The following SNTG1 variants were observed in gnomAD, a reference collection of about 807,000 sequenced individuals.
SNTG1 encodes gamma-1-syntrophin.
Under a neutral mutation model 74.7 loss-of-function variants are expected in SNTG1, and 39 were observed. That is an observed-to-expected ratio of 0.52 (90% CI 0.40 to 0.68). The LOEUF (loss-of-function observed/expected upper bound fraction) is 0.68, where lower values mean the gene tolerates loss of function less well. Ranked by LOEUF, SNTG1 falls within the 30% of genes least tolerant of loss-of-function variation. The pLI is 0.00. For synonymous variants in SNTG1, 254 were observed against 217.1 expected (o/e 1.17, Z -1.49); for missense variants, 685 against 609.5 (o/e 1.12, Z -1.30).
intron 2 of SNTG1, among the ~76,000 whole-genome samples, chr8:50,301,806 T>A (rs1343539019): frequency 1.3e-5 from 2 of 152,128 alleles, no homozygotes; most frequent in Non-Finnish European, 2.9e-5. Flanking sequence ...AAACATGTAT[T>A]TATTGAAGTT....
rs963800826 is a variant in SNTG1 at position 49,912,226 on chromosome 8, C to T, written c.-108C>T. ...TGAAAAGACATCTAATTTCATTGCT[C>T]GGCAGGTAAGTGATAGCGCTATTAT... On this transcript the variant is annotated 5_prime_UTR_variant, in exon 1 of 19. Transcript: ENST00000642720. The T allele has an allele frequency of 1.3e-5, 2 of 152,160 alleles. No individual in the cohort carries two copies. The highest frequency in any genetic ancestry group is 2.9e-5 in the Non-Finnish European group (2 of 68,040). The allele number at this position is 152,160 out of a possible 1,614,324, so 9.4% of individuals were successfully genotyped here. A position where few individuals can be genotyped will look rare whatever the true frequency, so the allele number is the denominator to read the frequency against.
chr8:50,664,083 T>C (rs938678473), intron 15 of SNTG1, among the ~76,000 whole-genome samples: 4 of 152,142 alleles, frequency 2.6e-5, no homozygotes, highest in African/African-American at 9.7e-5. Context: ...CGTCTCAAAA[T>C]TTAGGATCAA....
intron 1 of SNTG1, among the ~76,000 whole-genome samples, chr8:50,091,074 C>T (rs2079716665): frequency 6.6e-6 from 1 of 152,010 alleles, no homozygotes; most frequent in Admixed American, 6.6e-5. Flanking sequence ...TAGGAATAAA[C>T]ATAGTGGCAT....
At chr8:50,222,869 C>A (rs762364623) in intron 2 of SNTG1, among the ~76,000 whole-genome samples, 7 of 152,106 alleles carry the variant, frequency 4.6e-5, no homozygotes, top group Non-Finnish European at 1.0e-4. Context: ...CCATCTGAGG[C>A]TTTAATTTAT....
At chr8:50,173,396 C>A (rs1362792583) in intron 2 of SNTG1, among the ~76,000 whole-genome samples, 1 of 152,086 alleles carries the variant, frequency 6.6e-6, no homozygotes, top group East Asian at 1.9e-4. Flanking sequence ...AGTCCAAGGA[C>A]TTGTAGTATG....
At chr8:50,403,644 C>G (rs539614222) in intron 4 of SNTG1, among the ~76,000 whole-genome samples, 1 of 152,286 alleles carries the variant, frequency 6.6e-6, no homozygotes, top group East Asian at 1.9e-4. Flanking sequence ...CTATTCTCTT[C>G]TTAAAAGATA....
chr8:50,150,788 T>C lies in SNTG1; in HGVS notation c.-102-21773T>C, dbSNP rs28817108. On this transcript the variant is annotated intron_variant, in intron 1 of 18. Coordinates refer to ENST00000642720, the MANE Select transcript of SNTG1 (RefSeq NM_018967.5). ...ACTTGATCATGGTGGATAACCTTTT[T>C]GATGTGCTGCTGGATTCGGTTTGTC... Among the ~76,000 whole-genome samples the C allele has an allele frequency of 7.9e-3, 1,206 of 152,318 alleles. 16 individuals are homozygous for C. The highest frequency in any genetic ancestry group is 0.028 in the African/African-American group (1,162 of 41,572).
At chr8:50,038,262 A>C (rs2130798390) in intron 1 of SNTG1, among the ~76,000 whole-genome samples, 1 of 152,286 alleles carries the variant, frequency 6.6e-6, no homozygotes, top group South Asian at 2.1e-4. Flanking sequence ...AAAAGGCAAG[A>C]ATCGGGTGGA....
chr8:50,171,793 C>CT (rs1354199608), intron 1 of SNTG1, among the ~76,000 whole-genome samples: 2 of 152,092 alleles, frequency 1.3e-5, no homozygotes, highest in African/African-American at 4.8e-5. Context: ...GAATTGAACT[C>CT]TATCTCCTCA....
chr8:50,164,620 A>T (rs2082548824), intron 1 of SNTG1, among the ~76,000 whole-genome samples: 1 of 152,188 alleles, frequency 6.6e-6, no homozygotes, highest in African/African-American at 2.4e-5. Context: ...AATTTCACTT[A>T]TTTATTTGTC....
intron 11 of SNTG1, among the ~76,000 whole-genome samples, chr8:50,548,477 A>C (rs2094403361): frequency 6.6e-6 from 1 of 152,228 alleles, no homozygotes; most frequent in African/African-American, 2.4e-5. Context: ...ATCTCAAGTT[A>C]GCAAAAGCAG....
chr8:50,095,403 C>A (rs2079890465), intron 1 of SNTG1, among the ~76,000 whole-genome samples: 1 of 152,156 alleles, frequency 6.6e-6, no homozygotes, highest in Admixed American at 6.5e-5. Flanking sequence ...ATGTGAATGA[C>A]AGAAACAGTC....
At chr8:50,759,274 A>T (rs559652105) in intron 18 of SNTG1, among the ~76,000 whole-genome samples, 161 of 152,076 alleles carry the variant, frequency 1.1e-3, no homozygotes, top group African/African-American at 3.5e-3. Flanking sequence ...GTTCACTCTG[A>T]TGATAGTCTC....
intron 12 of SNTG1, among the ~76,000 whole-genome samples, chr8:50,580,064 G>T (rs533445748): frequency 6.6e-6 from 1 of 152,348 alleles, no homozygotes; most frequent in East Asian, 1.9e-4. Context: ...CCACAGGGGT[G>T]GACCTGCCCA....
At chr8:50,480,169 A>G (rs888581273) in intron 8 of SNTG1, among the ~76,000 whole-genome samples, 1 of 152,028 alleles carries the variant, frequency 6.6e-6, no homozygotes, top group South Asian at 2.1e-4. Flanking sequence ...AATCTTTAGT[A>G]AGTCACTCTC....
rs545371403 is a variant in SNTG1 at position 50,534,452 on chromosome 8, T to G, written c.550-2226T>G. Reference sequence around the variant, plus strand: ...CACACAGTATTATTGCTTCTTCATGTTCCCTCATGAAGAAAAGTTGGGAAG... The same window carrying G: ...CACACAGTATTATTGCTTCTTCATGGTCCCTCATGAAGAAAAGTTGGGAAG... On this transcript the variant is annotated intron_variant, in intron 10 of 18. Coordinates refer to ENST00000642720, the MANE Select transcript of SNTG1 (RefSeq NM_018967.5). Among the ~76,000 whole-genome samples, 187 of 152,262 alleles carry G rather than the reference T, an allele frequency of 1.2e-3. 1 individual carries two copies. Among genetic ancestry groups the G allele is most frequent in the African/African-American group, 4.4e-3 (181 of 41,552 alleles).
At chr8:50,628,590 C>G (rs1451083251) in intron 13 of SNTG1, among the ~76,000 whole-genome samples, 1 of 151,938 alleles carries the variant, frequency 6.6e-6, no homozygotes, top group Non-Finnish European at 1.5e-5. Flanking sequence ...GAGTGTTCAT[C>G]AGAATCTATT....
intron 8 of SNTG1, chr8:50,457,768 G>C (rs1294330373): frequency 6.6e-6 from 1 of 152,276 alleles, no homozygotes; most frequent in East Asian, 1.9e-4. Context: ...AGTGTTGAAA[G>C]GAAGGGTTGA....
At chr8:50,632,544 A>G (rs1028124888) in intron 13 of SNTG1, among the ~76,000 whole-genome samples, 2 of 152,142 alleles carry the variant, frequency 1.3e-5, no homozygotes, top group Non-Finnish European at 2.9e-5. Flanking sequence ...TCCTGGCCTC[A>G]AGTGATCCAC....
Sources: allele counts gnomAD v4.1 joint callset (sites outside exome capture counted in the v4.1 genomes callset), GRCh38; gene constraint gnomAD v4.1.1; transcripts MANE v1.5; gene names NCBI Gene and HGNC (gene_info 2026-07-23, HGNC 2026-07-21).